Variants in GRIN2A observed in about 807,000 individuals in gnomAD.
GRIN2A encodes glutamate receptor ionotropic, NMDA 2A.
GRIN2A carries 22 observed loss-of-function variants against 113.4 expected under a neutral mutation model. The ratio of observed to expected loss-of-function variants is 0.19; its 90% confidence interval spans 0.14 to 0.28. The LOEUF is 0.28. Among genes scored for constraint, GRIN2A ranks in the 10% least tolerant of loss-of-function variants. GRIN2A has a pLI of 1.00. For synonymous variants in GRIN2A, 827 were observed against 738.4 expected (o/e 1.12, Z -1.94); for missense variants, 1,502 against 1,887.0 (o/e 0.80, Z 3.78).
intron 2 of GRIN2A, among the ~76,000 whole-genome samples, chr16:9,939,915 C>G (rs2044821859): frequency 6.6e-6 from 1 of 151,860 alleles, no homozygotes; most frequent in Non-Finnish European, 1.5e-5. Context: ...AAAGAATTAT[C>G]AAAAGGTCCT....
intron 8 of GRIN2A, among the ~76,000 whole-genome samples, chr16:9,832,894 T>C (rs1165847048): frequency 6.6e-6 from 1 of 152,188 alleles, no homozygotes; most frequent in South Asian, 2.1e-4. Flanking sequence ...GAGGAAGAAG[T>C]TGAAAGATTT....
intron 11 of GRIN2A, among the ~76,000 whole-genome samples, chr16:9,775,690 A>G (rs1901551640): frequency 6.6e-6 from 1 of 152,220 alleles, no homozygotes; most frequent in Admixed American, 6.5e-5. Flanking sequence ...TTTCATTCTA[A>G]CAAGTCTGGG....
intron 2 of GRIN2A, among the ~76,000 whole-genome samples, chr16:10,017,504 A>G (rs2046633310): frequency 6.6e-6 from 1 of 152,150 alleles, no homozygotes; most frequent in African/African-American, 2.4e-5. Flanking sequence ...ATTTCGAGCT[A>G]TGTTAATTGC....
chr16:9,982,400 G>C (rs1383795234), intron 2 of GRIN2A, among the ~76,000 whole-genome samples: 1 of 152,196 alleles, frequency 6.6e-6, no homozygotes, highest in African/African-American at 2.4e-5. Context: ...ATTAACGTTT[G>C]CAATGTAGGG....
chr16:10,082,396 C>T (rs969237660), intron 2 of GRIN2A, among the ~76,000 whole-genome samples: 7 of 152,232 alleles, frequency 4.6e-5, no homozygotes, highest in Non-Finnish European at 7.3e-5. Context: ...ACCAATGACC[C>T]ATGTCCTTGT....
At chr16:9,820,022 A>T (rs1046028116) in intron 10 of GRIN2A, among the ~76,000 whole-genome samples, 4 of 151,000 alleles carry the variant, frequency 2.6e-5, no homozygotes, top group African/African-American at 9.7e-5. Flanking sequence ...TGGGAGATTG[A>T]GTATAGAATG....
At chr16:10,045,220 A>C (rs1208068893) in intron 2 of GRIN2A, among the ~76,000 whole-genome samples, 1 of 152,196 alleles carries the variant, frequency 6.6e-6, no homozygotes, top group Non-Finnish European at 1.5e-5. Context: ...TCTGGCCAGG[A>C]AAATGTATCC....
chr16:9,898,731 C>T (rs2043856495), intron 3 of GRIN2A, among the ~76,000 whole-genome samples: 1 of 130,574 alleles, frequency 7.7e-6, no homozygotes, highest in South Asian at 2.2e-4. Context: ...TTTTTGAAAA[C>T]ACAGTCAGTT....
At chr16:9,835,528 T>G (rs898177509) in intron 7 of GRIN2A, among the ~76,000 whole-genome samples, 1 of 152,202 alleles carries the variant, frequency 6.6e-6, no homozygotes. Context: ...AAAATAAATT[T>G]TAAAAATGAA....
intron 4 of GRIN2A, among the ~76,000 whole-genome samples, chr16:9,888,369 A>G (rs2043627324): frequency 6.6e-6 from 1 of 152,188 alleles, no homozygotes; most frequent in South Asian, 2.1e-4. Context: ...AGATCACAAA[A>G]ATATTCTCCT....
chr16:9,830,625 G>C (rs1206043903), intron 8 of GRIN2A, among the ~76,000 whole-genome samples: 1 of 152,056 alleles, frequency 6.6e-6, no homozygotes, highest in Non-Finnish European at 1.5e-5. Flanking sequence ...AATATAAGCA[G>C]AGTGGGCAAT....
At chr16:10,042,790 G>A (rs1299746403) in intron 2 of GRIN2A, among the ~76,000 whole-genome samples, 1 of 152,112 alleles carries the variant, frequency 6.6e-6, no homozygotes, top group African/African-American at 2.4e-5. Context: ...CACCTAAGGG[G>A]GCCATAGGAA....
intron 2 of GRIN2A, among the ~76,000 whole-genome samples, chr16:10,051,592 T>C (rs2047361272): frequency 6.6e-6 from 1 of 152,212 alleles, no homozygotes. Flanking sequence ...TGTGTGTGTC[T>C]GAGGGGGTGT....
chr16:10,131,032 G>T (rs1005095782), intron 2 of GRIN2A, among the ~76,000 whole-genome samples: 9 of 152,154 alleles, frequency 5.9e-5, no homozygotes, highest in Non-Finnish European at 1.3e-4. Flanking sequence ...CTGCATCTCT[G>T]CAGTCGGGAC....
intron 2 of GRIN2A, among the ~76,000 whole-genome samples, chr16:10,149,171 G>A (rs984190486): frequency 2.6e-5 from 4 of 152,188 alleles, no homozygotes; most frequent in African/African-American, 9.7e-5. Context: ...ACAAGAGAGT[G>A]ACTGTAGTTA....
At chr16:10,054,427 C>G (rs2047411346) in intron 2 of GRIN2A, among the ~76,000 whole-genome samples, 1 of 152,210 alleles carries the variant, frequency 6.6e-6, no homozygotes, top group South Asian at 2.1e-4. Context: ...AAGGTTGCAA[C>G]TTTTCATTCC....
At chr16:10,032,116 C>T (rs1470957448) in intron 2 of GRIN2A, among the ~76,000 whole-genome samples, 1 of 152,220 alleles carries the variant, frequency 6.6e-6, no homozygotes, top group East Asian at 1.9e-4. Context: ...GTCAGATTCA[C>T]ATGAGCAGAA....
chr16:9,851,106 C>T (rs923743691), intron 4 of GRIN2A, among the ~76,000 whole-genome samples: 2 of 152,164 alleles, frequency 1.3e-5, no homozygotes, highest in African/African-American at 4.8e-5. Context: ...AAATGAATCT[C>T]AAACCCTTAA....
intron 2 of GRIN2A, among the ~76,000 whole-genome samples, chr16:10,001,023 T>C (rs1284834458): frequency 6.6e-6 from 1 of 151,968 alleles, no homozygotes; most frequent in African/African-American, 2.4e-5. Flanking sequence ...AACAGAAAAA[T>C]AAATAAAGGT....
Sources: allele counts gnomAD v4.1 joint callset (sites outside exome capture counted in the v4.1 genomes callset), GRCh38; gene constraint gnomAD v4.1.1; transcripts MANE v1.5; gene names NCBI Gene and HGNC (gene_info 2026-07-23, HGNC 2026-07-21).